Variants in CUX1 observed in about 807,000 individuals in gnomAD.
CUX1 encodes protein CASP.
In CUX1, 31 loss-of-function variants were observed where a neutral mutation model predicts 158.8. That is an observed-to-expected ratio of 0.20 (90% CI 0.15 to 0.26). The LOEUF is 0.26. CUX1 is among the 10% of genes least tolerant of loss of function. CUX1 has a pLI of 1.00. For missense variants in CUX1, 1,589 were observed against 2,014.6 expected (o/e 0.79, Z 4.04); for synonymous variants, 879 against 862.1 (o/e 1.02, Z -0.34).
chr7:101,887,859 T>G (rs1242389774), intron 1 of CUX1, among the ~76,000 whole-genome samples: 2 of 145,892 alleles, frequency 1.4e-5, no homozygotes, highest in African/African-American at 2.6e-5. Flanking sequence ...TTTTTTTTTT[T>G]TTTTTGTTTA....
intron 20 of CUX1, among the ~76,000 whole-genome samples, chr7:102,281,265 G>A (rs1376366950): frequency 6.6e-6 from 1 of 152,142 alleles, no homozygotes; most frequent in African/African-American, 2.4e-5. Context: ...AGCTACTCAG[G>A]AGGCTGACGG....
At position 102,249,960 on chromosome 7, in the gene CUX1, C is replaced by T. The variant is rs1309473544; in HGVS notation, c.*918C>T. The T allele has an allele frequency of 2.0e-6, 2 of 984,690 alleles. No homozygotes were observed. Among genetic ancestry groups the T allele is most frequent in the African/African-American group, 1.8e-5 (1 of 56,866 alleles). 61.0% of individuals were successfully genotyped at this position (984,690 alleles called of 1,614,324 possible). A position where few individuals can be genotyped will look rare whatever the true frequency, so the allele number is the denominator to read the frequency against. On this transcript the variant is annotated 3_prime_UTR_variant, in exon 24 of 24. Transcript: ENST00000292535. ...GTGAATAGAATCCTGACATGTAGTG[C>T]ACATTGATGTATAGCTTTAACTGAC...
In CUX1 at chr7:102,202,041, C is replaced by G; in HGVS notation, c.2744C>G (p.Pro915Arg). ...CAGAACAGCCCCCTGCCATCCTCCC[C>G]GATCGTGCCCATGTCCAAGCCCACC... ...TPQNSPLPSS[P>R]IVPMSKPTKP... The change falls in exon 18 of 24, where the codon CCG (proline) becomes CGG (arginine). Residue 915 changes from proline (P) to arginine (R), a missense_variant. Around this residue, in one of 8 missense-constraint regions of CUX1, gnomAD observed 337 missense variants for 409.3 expected, o/e 0.82. Transcript: ENST00000292535. The G allele has an allele frequency of 3.1e-6, 5 of 1,614,104 alleles. No individual in the cohort carries two copies. Among genetic ancestry groups the G allele is most frequent in the Non-Finnish European group, 4.2e-6 (5 of 1,180,006 alleles).
At chr7:102,099,345 A>AGGGAAGGTATTACCTTCCCTTGTAGG (rs1829544571) in intron 5 of CUX1, among the ~76,000 whole-genome samples, 1 of 152,136 alleles carries the variant, frequency 6.6e-6, no homozygotes, top group Non-Finnish European at 1.5e-5. Flanking sequence ...AACTGCTGTG[A>AGGGAAGGTATTACCTTCCCTTGTAGG]GGGAAGGTAT....
At chr7:102,036,735 C>G (rs992477890) in intron 3 of CUX1, among the ~76,000 whole-genome samples, 2 of 149,674 alleles carry the variant, frequency 1.3e-5, no homozygotes, top group Non-Finnish European at 3.0e-5. Context: ...GAGTGAGACT[C>G]CATCTCAAAA....
At chr7:101,820,052 T>C (rs1792299868) in intron 1 of CUX1, among the ~76,000 whole-genome samples, 1 of 152,202 alleles carries the variant, frequency 6.6e-6, no homozygotes, top group Admixed American at 6.5e-5. Context: ...GACAAACCCA[T>C]CAGGGTTTAT....
chr7:102,211,059 A>G (rs1225859874), intron 20 of CUX1, among the ~76,000 whole-genome samples: 1 of 152,184 alleles, frequency 6.6e-6, no homozygotes, highest in Non-Finnish European at 1.5e-5. Context: ...TCCCACATTC[A>G]TGGCTAACAG....
intron 14 of CUX1, among the ~76,000 whole-genome samples, chr7:102,272,061 G>A (rs548678780): frequency 3.3e-5 from 5 of 152,306 alleles, no homozygotes; most frequent in South Asian, 2.1e-4. Context: ...GGGCCTGAAC[G>A]AGGCGAGACT....
chr7:102,104,497 C>T lies in CUX1; in HGVS notation c.530+38C>T, dbSNP rs371726036. The T allele has an allele frequency of 8.1e-6, 13 of 1,602,700 alleles. No individual in the cohort carries two copies. In the African/African-American group the frequency reaches 1.2e-4, roughly 15 times the overall value. ...TCCAGGCACACACAGACTGACATAGCATTTGCCCCTGAACTTCACATCATC... is the reference window on the plus strand; with the variant it reads ...TCCAGGCACACACAGACTGACATAGTATTTGCCCCTGAACTTCACATCATC... On this transcript the variant is annotated intron_variant, in intron 6 of 23. Coordinates refer to ENST00000292535, the MANE Select transcript of CUX1 (RefSeq NM_181552.4).
intron 9 of CUX1, among the ~76,000 whole-genome samples, chr7:102,170,015 G>A (rs1309330569): frequency 6.6e-6 from 1 of 152,214 alleles, no homozygotes; most frequent in African/African-American, 2.4e-5. Context: ...TTGTTTGTGC[G>A]TGTTTTTAGG....
At chr7:102,077,658 G>A (rs1273747421) in intron 4 of CUX1, among the ~76,000 whole-genome samples, 1 of 151,950 alleles carries the variant, frequency 6.6e-6, no homozygotes, top group South Asian at 2.1e-4. Context: ...AAAATAGGCA[G>A]CTTCTGTCCC....
At chr7:102,200,317 A>G in intron 17 of CUX1, 145 bp downstream of exon 17, 4 of 632,456 alleles carry the variant, frequency 6.3e-6, no homozygotes, top group Non-Finnish European at 1.1e-5. Context: ...AGAGAGAAGC[A>G]GGTCTGTGTG....
chr7:101,858,005 C>T (rs936859013), intron 1 of CUX1, among the ~76,000 whole-genome samples: 2 of 152,144 alleles, frequency 1.3e-5, no homozygotes, highest in African/African-American at 4.8e-5. Flanking sequence ...CACCTGTACT[C>T]CCAGCTCCTC....
chr7:101,921,970 T>G (rs2129097411), intron 2 of CUX1, among the ~76,000 whole-genome samples: 1 of 152,134 alleles, frequency 6.6e-6, no homozygotes, highest in South Asian at 2.1e-4. Context: ...AATCAAAAGA[T>G]TAGCCAGGAT....
At position 102,256,282 on chromosome 7, in the gene CUX1, G is replaced by A. The variant is rs931382110; in HGVS notation, c.*7240G>A. On this transcript the variant is annotated 3_prime_UTR_variant, in exon 24 of 24. Transcript: ENST00000292535. The stretch of plus-strand genomic sequence containing the variant: ...GACTGCTACTGACCTGCCGGCGTGC[G>A]TGAGGGTGATTATAAAAGGATGTTT... 10 of 985,356 alleles carry A rather than the reference G, an allele frequency of 1.0e-5. No homozygotes were observed. The highest frequency in any genetic ancestry group is 5.2e-4 in the Middle Eastern group (1 of 1,914). 61.0% of individuals were successfully genotyped at this position (985,356 alleles called of 1,614,324 possible).
At chr7:101,898,705 G>A (rs1318365579) in intron 1 of CUX1, among the ~76,000 whole-genome samples, 7 of 150,428 alleles carry the variant, frequency 4.7e-5, no homozygotes, top group African/African-American at 1.5e-4. Context: ...ATTCTCCTGC[G>A]TCAGCCTCCT....
At chr7:102,016,551 A>G (rs1818614035) in intron 2 of CUX1, among the ~76,000 whole-genome samples, 1 of 152,216 alleles carries the variant, frequency 6.6e-6, no homozygotes, top group African/African-American at 2.4e-5. Flanking sequence ...ACTCCAGATT[A>G]CACTGAGCCA....
At chr7:102,057,144 G>T (rs928779453) in intron 3 of CUX1, among the ~76,000 whole-genome samples, 19 of 151,822 alleles carry the variant, frequency 1.3e-4, no homozygotes, top group Admixed American at 9.8e-4. Flanking sequence ...CTCGTGATCC[G>T]CCCGCCGCAG....
intron 1 of CUX1, among the ~76,000 whole-genome samples, chr7:101,896,862 T>C (rs932670616): frequency 1.3e-5 from 2 of 152,234 alleles, no homozygotes; most frequent in African/African-American, 4.8e-5. Context: ...TGCACGTTTG[T>C]ACCAGAAATT....
Sources: gnomAD v4.1 joint callset for allele counts (sites outside exome capture counted in the v4.1 genomes callset) on GRCh38, gnomAD v4.1.1 for gene constraint, gnomAD v4.1.1 regional missense constraint, MANE v1.5 for transcripts, NCBI Gene and HGNC (gene_info 2026-07-23, HGNC 2026-07-21) for gene names.